Variants in TASOR observed in about 807,000 individuals in gnomAD.
The protein encoded by TASOR is transcription activation suppressor, also known as protein TASOR.
Under a neutral mutation model 178.6 loss-of-function variants are expected in TASOR, and 53 were observed. The ratio of observed to expected loss-of-function variants is 0.30; its 90% CI spans 0.24 to 0.37. The LOEUF is 0.37. TASOR is among the 10% of genes least tolerant of loss of function. TASOR has a pLI of 1.00. For missense variants in TASOR, 1,815 were observed against 1,971.4 expected, an observed-to-expected ratio of 0.92 and a Z score of 1.50; for synonymous variants, 713 against 696.2, an observed-to-expected ratio of 1.02 and a Z score of -0.38.
At chr3:56,628,690 T>A in intron 18 of TASOR, 76 bp from the exon 19 acceptor site, 1 of 988,270 alleles carries the variant, frequency 1.0e-6, no homozygotes, top group Non-Finnish European at 1.5e-6. Context: ...AAATGCAAGA[T>A]AAACTGATAA....
In TASOR at chr3:56,647,135, A is replaced by T; in HGVS notation, c.1602T>A (p.Ser534=). Residue 534 remains serine (S), a synonymous_variant, in exon 14 of 24, where the codon TCT becomes TCA. Coordinates refer to ENST00000683822, the MANE Select transcript of TASOR (RefSeq NM_001365635.2). The part of the protein sequence containing the change: ...VLKIAQFLQF[S]LIQCRKEFKN... Reference sequence around the variant, plus strand: ...TGAATTCCTTTCGACACTGAATCAAAGAAAATTGTAAAAACTGAGCTATTT... The same window carrying T: ...TGAATTCCTTTCGACACTGAATCAATGAAAATTGTAAAAACTGAGCTATTT... 1 of 1,605,098 alleles carries T rather than the reference A, an allele frequency of 6.2e-7. No homozygotes were observed. The highest frequency in any genetic ancestry group is 8.5e-7 in the Non-Finnish European group (1 of 1,177,984).
At position 56,669,715 on chromosome 3, in the gene TASOR, A is replaced by T. The variant is rs2030471504; in HGVS notation, c.720T>A (p.Ile240=). The T allele has an allele frequency of 6.5e-7, 1 of 1,543,254 alleles. No homozygotes were observed. Among genetic ancestry groups the T allele is most frequent in the Non-Finnish European group, 8.7e-7 (1 of 1,142,910 alleles). The change falls in exon 5 of 24, where the codon ATT becomes ATA. Residue 240 remains isoleucine (I), a synonymous_variant. Transcript: ENST00000683822. ...TTTAAATTACCTTCATTATTTTAAAAATAACAACATCACCCATTGCCCCCG... is the reference window on the plus strand; with the variant it reads ...TTTAAATTACCTTCATTATTTTAAATATAACAACATCACCCATTGCCCCCG... The part of the protein sequence containing the change: ...LDTGAMGDVV[I]FKIMKGKIKS...
chr3:56,656,456 T>A (rs2077470433), intron 11 of TASOR, among the ~76,000 whole-genome samples: 1 of 151,562 alleles, frequency 6.6e-6, no homozygotes, highest in African/African-American at 2.4e-5. Flanking sequence ...CCAGGTATGG[T>A]GTTGCACGCC....
rs202079284 is a variant in TASOR at position 56,623,467 on chromosome 3, A to T, written c.4583T>A (p.Ile1528Lys). The T allele has an allele frequency of 1.9e-6, 3 of 1,613,246 alleles. No homozygotes were observed. The highest frequency in any genetic ancestry group is 1.7e-6 in the Non-Finnish European group (2 of 1,179,960). ...IEVCSNFHSE[I>K]WEKETKGSRG... ...TGATCCTTTGGTCTCTTTCTCCCAT[A>T]TTTCTGAATGAAAATTGCTGCATAC... Residue 1528 changes from isoleucine to lysine, a missense_variant, in exon 24 of 24, where the codon ATA (isoleucine) becomes AAA (lysine). Transcript: ENST00000683822.
chr3:56,640,546 A>C lies in TASOR; in HGVS notation c.2620-416T>G, dbSNP rs545559084. ...AATACAAAAGATATCAGAAAATATT[A>C]ATACAGGTTAGTTCCTCAGTGCCTA... On this transcript the variant is annotated intron_variant, in intron 15 of 23. Transcript: ENST00000683822. Among the ~76,000 whole-genome samples, 5 of 152,276 alleles carry C rather than the reference A, an allele frequency of 3.3e-5. No individual in the cohort carries two copies. The East Asian group carries it at 9.7e-4, about 29-fold the overall frequency.
chr3:56,646,830 G>A lies in TASOR; in HGVS notation c.1907C>T (p.Ser636Leu), dbSNP rs2077247862. The A allele has an allele frequency of 3.7e-6, 6 of 1,610,374 alleles. No homozygotes were observed. The highest frequency in any genetic ancestry group is 5.1e-6 in the Non-Finnish European group (6 of 1,179,294). Residue 636 changes from serine to leucine, a missense_variant, in exon 14 of 24, where the codon TCA becomes TTA. By Grantham distance (145) the Ser-to-Leu change is moderately radical (BLOSUM62 -2). Transcript: ENST00000683822. Reference sequence around the variant, plus strand: ...TTCTTCTTCTTGACCTTCATAATCTGAAAGTGGACTAAACTGCTGAAGTTT... The same window carrying A: ...TTCTTCTTCTTGACCTTCATAATCTAAAAGTGGACTAAACTGCTGAAGTTT... ...NRKLQQFSPL[S>L]DYEGQEEEMN...
intron 1 of TASOR, among the ~76,000 whole-genome samples, chr3:56,677,373 C>T (rs2031394309): frequency 6.6e-6 from 1 of 152,214 alleles, no homozygotes; most frequent in South Asian, 2.1e-4. Context: ...TACTGTCTAA[C>T]CATTAGTGGT....
Position 56,621,680 on chromosome 3 carries a change from T to TGGCTC in TASOR, c.*1352_*1356dup. On this transcript the variant is annotated 3_prime_UTR_variant, in exon 24 of 24. Coordinates refer to ENST00000683822, the MANE Select transcript of TASOR (RefSeq NM_001365635.2). ...CTTCCAAATTATAAAATGTGCTCAC[T>TGGCTC]GGCTCAACTGTATTTTTCAAATAGC... 8.8e-7 allele frequency: 1 copy of TGGCTC among 1,132,074 alleles called. No homozygotes were observed. The highest frequency in any genetic ancestry group is 1.4e-5 in the South Asian group (1 of 70,922). 70.1% of individuals were successfully genotyped at this position (1,132,074 alleles called of 1,614,324 possible). A position where few individuals can be genotyped will look rare whatever the true frequency, so the allele number is the denominator to read the frequency against.
At chr3:56,639,710 T>C (rs115595996) in intron 16 of TASOR, among the ~76,000 whole-genome samples, 1,866 of 152,308 alleles carry the variant, frequency 0.012, 47 homozygotes, top group African/African-American at 0.042. Context: ...CCAACAGTCT[T>C]CATTCAGCAG....
rs1352332899 is a variant in TASOR, at chr3:56,627,084, T to C, written c.4092A>G (p.Gln1364=). 1.2e-5 allele frequency: 19 copies of C among 1,613,134 alleles called. No homozygotes were observed. Among genetic ancestry groups the C allele is most frequent in the Admixed American group, 3.3e-5 (2 of 59,910 alleles). ...TCTGAAATTTACAGTGGACTTTCCA[T>C]TGCCATTTTCCTTCTGGAGTACTAA... ...EELSTPEGKW[Q]WKVHCKFQKK... Residue 1364 remains glutamine (Q), a synonymous_variant, in exon 21 of 24, where the codon CAA becomes CAG. Coordinates refer to ENST00000683822, the MANE Select transcript of TASOR (RefSeq NM_001365635.2).
At chr3:56,679,874 G>A (rs1387196813) in intron 1 of TASOR, among the ~76,000 whole-genome samples, 3 of 152,162 alleles carry the variant, frequency 2.0e-5, no homozygotes, top group Non-Finnish European at 4.4e-5. Flanking sequence ...TAAGAATCAT[G>A]CCTCAGCCAA....
intron 1 of TASOR, among the ~76,000 whole-genome samples, chr3:56,678,737 G>C (rs753252692): frequency 2.0e-5 from 3 of 152,072 alleles, no homozygotes; most frequent in Non-Finnish European, 2.9e-5. Context: ...GGGGCTGGGC[G>C]TGGCGGCTCA....
chr3:56,672,848 CAG>C (rs769299257), intron 2 of TASOR, among the ~76,000 whole-genome samples: 7 of 152,236 alleles, frequency 4.6e-5, no homozygotes. Context: ...TTATCTGAGA[CAG>C]AGTTCTTGTT....
intron 18 of TASOR, among the ~76,000 whole-genome samples, chr3:56,630,168 T>C (rs2076879405): frequency 1.3e-5 from 2 of 152,074 alleles, no homozygotes; most frequent in Non-Finnish European, 2.9e-5. Context: ...GGTTTCACCA[T>C]GTCAATCAGG....
chr3:56,638,645 A>G, intron 17 of TASOR, 61 bp downstream of exon 17: 2 of 1,557,370 alleles, frequency 1.3e-6, no homozygotes, highest in Non-Finnish European at 1.8e-6. Context: ...AGTATCAGAA[A>G]TGCAAGTAGC....
chr3:56,660,843 A>T lies in TASOR; in HGVS notation c.1265-9T>A, dbSNP rs1277257310. The T allele has an allele frequency of 6.2e-7, 1 of 1,612,220 alleles. No homozygotes were observed. The highest frequency in any genetic ancestry group is 8.5e-7 in the Non-Finnish European group (1 of 1,179,138). On this transcript the variant is annotated splice_polypyrimidine_tract_variant and intron_variant, in intron 10 of 23. Transcript: ENST00000683822. Reference sequence around the variant, plus strand: ...CATTCCATTCTTCAAAACTGACATAAGAAAAATACATAGTAAATATCCAAA... The same window carrying T: ...CATTCCATTCTTCAAAACTGACATATGAAAAATACATAGTAAATATCCAAA...
At chr3:56,661,272 G>A (rs41276469) in intron 9 of TASOR, among the ~76,000 whole-genome samples, 7,464 of 152,172 alleles carry the variant, frequency 0.049, 186 homozygotes, top group East Asian at 0.091. Flanking sequence ...TCAACCTCCA[G>A]GGCAGCTGGG....
At chr3:56,629,484 A>G (rs2076866357) in intron 18 of TASOR, among the ~76,000 whole-genome samples, 2 of 152,218 alleles carry the variant, frequency 1.3e-5, no homozygotes, top group African/African-American at 2.4e-5. Flanking sequence ...CAGCTAAAAA[A>G]GCATTTATAT....
At chr3:56,625,917 C>T (rs1420357596) in intron 21 of TASOR, among the ~76,000 whole-genome samples, 4 of 152,076 alleles carry the variant, frequency 2.6e-5, no homozygotes, top group African/African-American at 7.2e-5. Flanking sequence ...CCACCGTGCC[C>T]GGCCAGCTCT....
Sources: gnomAD v4.1 joint callset for allele counts (sites outside exome capture counted in the v4.1 genomes callset) on GRCh38, gnomAD v4.1.1 for gene constraint, MANE v1.5 for transcripts, NCBI Gene and HGNC (gene_info 2026-07-23, HGNC 2026-07-21) for gene names.